Variants in AGAP1 observed in about 807,000 individuals in gnomAD.
AGAP1 encodes the protein arf-GAP with GTPase, ANK repeat and PH domain-containing protein 1.
In AGAP1, 29 loss-of-function variants were observed where a neutral mutation model predicts 105.3. The ratio of observed to expected loss-of-function variants is 0.28; its 90% CI spans 0.21 to 0.38. The LOEUF (loss-of-function observed/expected upper bound fraction) is 0.38. AGAP1 is among the 10% of genes least tolerant of loss of function. The pLI is 1.00. For missense variants in AGAP1, 998 were observed against 1,165.1 expected (o/e 0.86, Z 2.09); for synonymous variants, 509 against 485.9 (o/e 1.05, Z -0.63).
intron 6 of AGAP1, among the ~76,000 whole-genome samples, chr2:235,779,289 C>T (rs1956111236): frequency 6.6e-6 from 1 of 152,220 alleles, no homozygotes; most frequent in African/African-American, 2.4e-5. Flanking sequence ...ACAATTCACA[C>T]AGTCTCCAAC....
intron 1 of AGAP1, among the ~76,000 whole-genome samples, chr2:235,565,061 G>GT (rs1453124322): frequency 2.7e-5 from 4 of 148,184 alleles, no homozygotes; most frequent in African/African-American, 1.0e-4. Context: ...CCAGGGCCAG[G>GT]TGTGAGCCTG....
At chr2:235,637,622 C>T (rs1397287099) in intron 1 of AGAP1, among the ~76,000 whole-genome samples, 3 of 151,948 alleles carry the variant, frequency 2.0e-5, no homozygotes, top group Admixed American at 1.3e-4. Context: ...GTGGAAAGTT[C>T]GGACCAGTGG....
intron 1 of AGAP1, among the ~76,000 whole-genome samples, chr2:235,503,369 G>T (rs1369960874): frequency 6.6e-6 from 1 of 152,128 alleles, no homozygotes; most frequent in Non-Finnish European, 1.5e-5. Context: ...AGCCGGGATC[G>T]CGTATCTGCT....
At position 235,665,498 on chromosome 2, in the gene AGAP1, G is replaced by A. The variant is rs13429338; in HGVS notation, c.164-43681G>A. Among the ~76,000 whole-genome samples, 15 of 152,132 alleles carry A rather than the reference G, an allele frequency of 9.9e-5. No homozygotes were observed. Among genetic ancestry groups the A allele is most frequent in the Admixed American group, 2.0e-4 (3 of 15,280 alleles). On this transcript the variant is annotated intron_variant, in intron 1 of 17. Transcript: ENST00000304032. This position sits in a 1 kb window ranked among gnomAD's most constrained non-coding sequence, Gnocchi z 5.3. ...TGGAGTGTCCCAGGCAAAGGGATGC[G>A]TGCAGAATTTTCAGTTCCTAGAAGC...
At chr2:236,118,387 C>CTTTTTTTTTTTTTTT (rs529993131) in intron 16 of AGAP1, among the ~76,000 whole-genome samples, 96 of 116,104 alleles carry the variant, frequency 8.3e-4, no homozygotes, top group Non-Finnish European at 1.2e-3. Flanking sequence ...TTTTCTTTTT[C>CTTTTTTTTTTTTTTT]TTTTTTTTTT....
intron 16 of AGAP1, among the ~76,000 whole-genome samples, chr2:236,106,704 T>G (rs916835736): frequency 1.3e-5 from 2 of 152,158 alleles, no homozygotes; most frequent in Non-Finnish European, 2.9e-5. Context: ...GGCCATGGGC[T>G]CATTTTCCCA....
At chr2:235,704,237 T>G (rs889737927) in intron 1 of AGAP1, among the ~76,000 whole-genome samples, 1 of 152,234 alleles carries the variant, frequency 6.6e-6, no homozygotes, top group African/African-American at 2.4e-5. Flanking sequence ...TTTTCACATT[T>G]CTCAGAAATT....
intron 9 of AGAP1, among the ~76,000 whole-genome samples, chr2:235,844,306 G>A (rs1961210209): frequency 6.6e-6 from 1 of 152,162 alleles, no homozygotes; most frequent in Non-Finnish European, 1.5e-5. Context: ...AGGGGGCAAG[G>A]GTCTGGGTGA....
rs1218488207 is a variant in AGAP1, at chr2:235,843,693, T to C, written c.1050+36362T>C. Among the ~76,000 whole-genome samples, 1 of 152,208 alleles carries C rather than the reference T, an allele frequency of 6.6e-6. No individual in the cohort carries two copies. The highest frequency in any genetic ancestry group is 1.9e-4 in the East Asian group (1 of 5,192). On this transcript the variant is annotated intron_variant, in intron 9 of 17. Coordinates refer to ENST00000304032, the MANE Select transcript of AGAP1 (RefSeq NM_001037131.3). The surrounding 1 kb of genome is among the most constrained non-coding windows in gnomAD (Gnocchi z 5.9). Reference sequence around the variant, plus strand: ...TGTTTTAAGGCCAGCTCTCCCTAGATGTGTAGCCACTGGGATCTTTTTCAT... The same window carrying C: ...TGTTTTAAGGCCAGCTCTCCCTAGACGTGTAGCCACTGGGATCTTTTTCAT...
In AGAP1 at chr2:236,001,873, A is replaced by C. The variant is rs894823820; in HGVS notation, c.1645+33250A>C. 6.6e-6 allele frequency among the ~76,000 whole-genome samples: 1 copy of C among 152,202 alleles called. No individual in the cohort carries two copies. Among genetic ancestry groups the C allele is most frequent in the Non-Finnish European group, 1.5e-5 (1 of 68,044 alleles). Reference sequence around the variant, plus strand: ...TCTCGTTGGGCATTGAAATTGCCTCAGCAGTTTTTTTAACAATTACCAGTA... The same window carrying C: ...TCTCGTTGGGCATTGAAATTGCCTCCGCAGTTTTTTTAACAATTACCAGTA... On this transcript the variant is annotated intron_variant, in intron 13 of 17. Transcript: ENST00000304032. The surrounding 1 kb of genome is among the most constrained non-coding windows in gnomAD (Gnocchi z 4.7).
intron 13 of AGAP1, among the ~76,000 whole-genome samples, chr2:236,025,617 C>A (rs2057025818): frequency 6.6e-6 from 1 of 152,156 alleles, no homozygotes; most frequent in African/African-American, 2.4e-5. Flanking sequence ...CGGATTAAAT[C>A]TTGAGATTTG....
chr2:235,584,103 G>T (rs1417900497), intron 1 of AGAP1, among the ~76,000 whole-genome samples: 2 of 151,962 alleles, frequency 1.3e-5, no homozygotes, highest in African/African-American at 4.8e-5. Flanking sequence ...TGTAGCTCAT[G>T]GTACGCTTGG....
At chr2:235,770,552 G>A (rs1184816171) in intron 6 of AGAP1, among the ~76,000 whole-genome samples, 1 of 152,116 alleles carries the variant, frequency 6.6e-6, no homozygotes, top group Non-Finnish European at 1.5e-5. Flanking sequence ...GGGGGCTCCG[G>A]AGGGTTCCTG....
chr2:236,017,988 AAAAC>A (rs534824648), intron 13 of AGAP1, among the ~76,000 whole-genome samples: 75 of 152,348 alleles, frequency 4.9e-4, no homozygotes, highest in Non-Finnish European at 8.5e-4. Context: ...GGAGTGGATA[AAAAC>A]AAACAAAACT....
At chr2:235,671,005 G>A in intron 1 of AGAP1, 2 of 1,320,696 alleles carry the variant, frequency 1.5e-6, no homozygotes, top group South Asian at 2.1e-5. Context: ...GGCGGGCCCC[G>A]GCCGAAGCGC....
chr2:235,968,277 G>A (rs1176610681), intron 12 of AGAP1, among the ~76,000 whole-genome samples, 185 bp from the exon 13 acceptor site: 2 of 152,146 alleles, frequency 1.3e-5, no homozygotes, highest in Non-Finnish European at 2.9e-5. Flanking sequence ...TAGAGCAAGG[G>A]GGACTGAGCC....
chr2:235,719,461 G>A lies in AGAP1; in HGVS notation c.310+1817G>A, dbSNP rs183573359. Among the ~76,000 whole-genome samples the A allele has an allele frequency of 1.7e-3, 252 of 152,302 alleles. No homozygotes were observed. Among genetic ancestry groups the A allele is most frequent in the African/African-American group, 5.7e-3 (237 of 41,566 alleles). On this transcript the variant is annotated intron_variant, in intron 3 of 17. Coordinates refer to ENST00000304032, the MANE Select transcript of AGAP1 (RefSeq NM_001037131.3). The surrounding 1 kb of genome is among the most constrained non-coding windows in gnomAD (Gnocchi z 4.9). ...TCACACCAAAGCATTTCTCTTGAAC[G>A]TTTATACATCAAAAGGAAGGATTGT...
rs562100431 is a variant in AGAP1 at position 236,058,524 on chromosome 2, G to T, written c.2114+9243G>T. 6.6e-6 allele frequency among the ~76,000 whole-genome samples: 1 copy of T among 152,300 alleles called. No homozygotes were observed. The highest frequency in any genetic ancestry group is 1.9e-4 in the East Asian group (1 of 5,174). ...GAAAATACATTTGACAAAACCACGTGCCCTTTCATGGTAACAAACACTCAG... is the reference window on the plus strand; with the variant it reads ...GAAAATACATTTGACAAAACCACGTTCCCTTTCATGGTAACAAACACTCAG... On this transcript the variant is annotated intron_variant, in intron 16 of 17. Coordinates refer to ENST00000304032, the MANE Select transcript of AGAP1 (RefSeq NM_001037131.3). The surrounding 1 kb of genome is among the most constrained non-coding windows in gnomAD (Gnocchi z 4.6).
rs144726806 is a variant in AGAP1, at chr2:236,058,422, C to T, written c.2114+9141C>T. Reference sequence around the variant, plus strand: ...CAAGGAAGGCAAGGTTGGTTCGACACGCAAAAATCAATCAATGTGATATAC... The same window carrying T: ...CAAGGAAGGCAAGGTTGGTTCGACATGCAAAAATCAATCAATGTGATATAC... On this transcript the variant is annotated intron_variant, in intron 16 of 17. Coordinates refer to ENST00000304032, the MANE Select transcript of AGAP1 (RefSeq NM_001037131.3). This position sits in a 1 kb window ranked among gnomAD's most constrained non-coding sequence, Gnocchi z 4.6. 2.1e-3 allele frequency among the ~76,000 whole-genome samples: 317 copies of T among 152,172 alleles called. 3 individuals are homozygous for T. The highest frequency in any genetic ancestry group is 0.014 in the Middle Eastern group (4 of 294).
Sources: gnomAD v4.1 joint callset for allele counts (sites outside exome capture counted in the v4.1 genomes callset) on GRCh38, gnomAD v4.1.1 for gene constraint, Gnocchi (gnomAD v3.1) non-coding constraint, MANE v1.5 for transcripts, NCBI Gene and HGNC (gene_info 2026-07-23, HGNC 2026-07-21) for gene names.